Variants in CCDC170 observed in about 807,000 individuals in gnomAD.
The protein encoded by CCDC170 is coiled-coil domain containing 170, also known as coiled-coil domain-containing protein 170.
Under a neutral mutation model 72.6 loss-of-function variants are expected in CCDC170, and 69 were observed. The ratio of observed to expected loss-of-function variants is 0.95; its 90% CI spans 0.78 to 1.16. CCDC170 has a LOEUF of 1.16. Among genes scored for constraint, CCDC170 ranks in the 50% most tolerant of loss-of-function variants. The pLI is 0.00. For synonymous variants in CCDC170, 300 were observed against 303.9 expected, an observed-to-expected ratio of 0.99 and a Z score of 0.13; for missense variants, 852 against 832.5, an observed-to-expected ratio of 1.02 and a Z score of -0.29.
At chr6:151,528,752 C>A (rs190695539) in intron 1 of CCDC170, among the ~76,000 whole-genome samples, 1 of 151,780 alleles carries the variant, frequency 6.6e-6, no homozygotes, top group Non-Finnish European at 1.5e-5. Context: ...GCAGGAGAAT[C>A]GCTTGAATAC....
chr6:151,559,193 G>A (rs924564249), intron 5 of CCDC170, among the ~76,000 whole-genome samples: 12 of 151,810 alleles, frequency 7.9e-5, no homozygotes, highest in African/African-American at 2.7e-4. Context: ...TGTATTTTTA[G>A]TAGAGATAGG....
chr6:151,571,588 G>A (rs1479430555), intron 5 of CCDC170, among the ~76,000 whole-genome samples: 1 of 152,074 alleles, frequency 6.6e-6, no homozygotes, highest in Non-Finnish European at 1.5e-5. Context: ...TTAGCTGGGC[G>A]TGGTGGCACT....
chr6:151,620,104 C>T lies in CCDC170; in HGVS notation c.*1957C>T, dbSNP rs977435922. ...ACTAAAAATCTGAGAATCCACAGTG[C>T]TACAGACAATAAGTGATAAAATGGG... On this transcript the variant is annotated 3_prime_UTR_variant, in exon 11 of 11. Transcript: ENST00000239374. 2 of 143,700 alleles carry T rather than the reference C, an allele frequency of 1.4e-5. No homozygotes were observed. Among genetic ancestry groups the T allele is most frequent in the Admixed American group, 7.3e-5 (1 of 13,764 alleles). The allele number at this position is 143,700 out of a possible 1,614,324, so 8.9% of individuals were successfully genotyped here. A position where few individuals can be genotyped will look rare whatever the true frequency, so the allele number is the denominator to read the frequency against.
chr6:151,592,380 C>A (rs1459074419), intron 7 of CCDC170, among the ~76,000 whole-genome samples: 1 of 151,540 alleles, frequency 6.6e-6, no homozygotes, highest in Non-Finnish European at 1.5e-5. Context: ...AATAAATAAA[C>A]AAATAAATAA....
intron 10 of CCDC170, among the ~76,000 whole-genome samples, chr6:151,617,163 C>T (rs968700625): frequency 6.6e-6 from 1 of 152,102 alleles, no homozygotes; most frequent in African/African-American, 2.4e-5. Context: ...GGCCAGATGC[C>T]CTGATTTATC....
At chr6:151,554,415 G>C (rs1448775128) in intron 5 of CCDC170, among the ~76,000 whole-genome samples, 3 of 152,186 alleles carry the variant, frequency 2.0e-5, no homozygotes, top group African/African-American at 7.2e-5. Flanking sequence ...TTAGCTTACA[G>C]TGGAGTATGT....
At chr6:151,543,736 C>T (rs1017959789) in intron 3 of CCDC170, among the ~76,000 whole-genome samples, 6 of 152,094 alleles carry the variant, frequency 3.9e-5, no homozygotes, top group Admixed American at 2.6e-4. Flanking sequence ...TCTTTCTGTA[C>T]TTGACTTATT....
chr6:151,558,183 TTCTATTCATG>T (rs1051686187), intron 5 of CCDC170, among the ~76,000 whole-genome samples: 2 of 152,018 alleles, frequency 1.3e-5, no homozygotes, highest in Non-Finnish European at 2.9e-5. Flanking sequence ...TCTATTCATG[TTCTATTCATG>T]TCTATTCATG....
intron 1 of CCDC170, among the ~76,000 whole-genome samples, chr6:151,511,802 T>C (rs2115026068): frequency 6.6e-6 from 1 of 152,338 alleles, no homozygotes; most frequent in South Asian, 2.1e-4. Flanking sequence ...ATTTACATTT[T>C]TGTATATGTT....
chr6:151,607,552 C>G (rs73617527), intron 9 of CCDC170, among the ~76,000 whole-genome samples: 4,360 of 152,120 alleles, frequency 0.029, 176 homozygotes, highest in African/African-American at 0.092. Context: ...TTGCGCTTGT[C>G]TAAGGGTGTT....
intron 5 of CCDC170, among the ~76,000 whole-genome samples, chr6:151,569,099 C>T (rs1776182578): frequency 6.6e-6 from 1 of 152,120 alleles, no homozygotes; most frequent in Non-Finnish European, 1.5e-5. Flanking sequence ...TTAATCATAA[C>T]TGCAGTAGGT....
chr6:151,614,459 A>AT (rs957510544), intron 9 of CCDC170, among the ~76,000 whole-genome samples: 12 of 148,860 alleles, frequency 8.1e-5, no homozygotes, highest in South Asian at 4.3e-4. Context: ...AATTTCATTC[A>AT]TTTTTTTTTT....
At chr6:151,516,899 G>T (rs1782243724) in intron 1 of CCDC170, among the ~76,000 whole-genome samples, 1 of 152,156 alleles carries the variant, frequency 6.6e-6, no homozygotes, top group Admixed American at 6.5e-5. Context: ...ACATGCTTTG[G>T]CAAAAAGAGA....
At chr6:151,507,705 G>A (rs1299470094) in intron 1 of CCDC170, among the ~76,000 whole-genome samples, 49 of 151,836 alleles carry the variant, frequency 3.2e-4, no homozygotes, top group Non-Finnish European at 4.6e-4. Flanking sequence ...GGCAGATCAC[G>A]AGGTCAAGAG....
intron 1 of CCDC170, among the ~76,000 whole-genome samples, chr6:151,495,248 A>G (rs1781892316): frequency 6.6e-6 from 1 of 152,140 alleles, no homozygotes; most frequent in Admixed American, 6.5e-5. Flanking sequence ...TGTGCAAATA[A>G]AACTATTTTT....
At chr6:151,547,572 A>G (rs1782796549) in intron 4 of CCDC170, among the ~76,000 whole-genome samples, 1 of 152,086 alleles carries the variant, frequency 6.6e-6, no homozygotes, top group Non-Finnish European at 1.5e-5. Context: ...TTTTCAGAGC[A>G]TTGAGGCTCA....
chr6:151,554,738 G>A (rs116162596), intron 5 of CCDC170, among the ~76,000 whole-genome samples: 1,543 of 152,104 alleles, frequency 0.01, 30 homozygotes, highest in African/African-American at 0.035. Flanking sequence ...AAAAGAGAGA[G>A]CAAGACAGAG....
Position 151,593,182 on chromosome 6 carries a change from C to G in CCDC170, c.1369C>G (p.Arg457Gly). ...GGCTGCCGAACTTGGCTTTGACATG[C>G]GGCTGGACGTGGTTTTAGCTCGAAC... ...QMAAELGFDMRLDVVLARTEQ... is the reference protein window; with the variant it reads ...QMAAELGFDMGLDVVLARTEQ... Residue 457 changes from arginine (R) to glycine (G), a missense_variant, in exon 8 of 11, where the codon CGG becomes GGG. Coordinates refer to ENST00000239374, the MANE Select transcript of CCDC170 (RefSeq NM_025059.4). 1 of 1,614,146 alleles carries G rather than the reference C, an allele frequency of 6.2e-7. No individual in the cohort carries two copies. Among genetic ancestry groups the G allele is most frequent in the Non-Finnish European group, 8.5e-7 (1 of 1,180,016 alleles).
At chr6:151,568,087 G>A (rs1399657520) in intron 5 of CCDC170, among the ~76,000 whole-genome samples, 1 of 133,032 alleles carries the variant, frequency 7.5e-6, no homozygotes, top group Admixed American at 8.1e-5. Flanking sequence ...TCCAGCCTGG[G>A]CGACAGAGTG....
Sources: gnomAD v4.1 joint callset for allele counts (sites outside exome capture counted in the v4.1 genomes callset) on GRCh38, gnomAD v4.1.1 for gene constraint, MANE v1.5 for transcripts, NCBI Gene and HGNC (gene_info 2026-07-23, HGNC 2026-07-21) for gene names.